The following RANBP2 variants were observed in gnomAD, a reference collection of about 807,000 sequenced individuals.
The protein encoded by RANBP2 is E3 SUMO-protein ligase RanBP2.
RANBP2 carries 57 observed loss-of-function variants against 303.6 expected under a neutral mutation model. The observed-to-expected ratio is 0.19, with a 90% CI of 0.15 to 0.23. The LOEUF is 0.23. Among genes scored for constraint, RANBP2 ranks in the 10% least tolerant of loss-of-function variants. RANBP2 has a pLI of 1.00. For synonymous variants in RANBP2, 1,167 were observed against 1,301.5 expected, an observed-to-expected ratio of 0.90 and a Z score of 2.23; for missense variants, 3,138 against 3,780.8, an observed-to-expected ratio of 0.83 and a Z score of 4.46.
chr2:108,956,932 G>T, the RANBP2 span, among the ~76,000 whole-genome samples: 1 of 152,130 alleles, frequency 6.6e-6, no homozygotes, highest in African/African-American at 2.4e-5. Context: ...GGGATTACAG[G>T]CACCTACCAC....
At chr2:109,074,228 G>A in the RANBP2 span, among the ~76,000 whole-genome samples, 1 of 150,474 alleles carries the variant, frequency 6.6e-6, no homozygotes, top group African/African-American at 2.4e-5. Flanking sequence ...ATTTAGCCAG[G>A]TGTAGTGGCA....
At chr2:109,481,839 C>A in the RANBP2 span, among the ~76,000 whole-genome samples, 2 of 152,122 alleles carry the variant, frequency 1.3e-5, no homozygotes, top group African/African-American at 2.4e-5. Context: ...GGGCAAGGTG[C>A]CTGCCCAGGT....
the RANBP2 span, among the ~76,000 whole-genome samples, chr2:108,913,161 G>T: frequency 6.6e-6 from 1 of 152,076 alleles, no homozygotes; most frequent in Non-Finnish European, 1.5e-5. Context: ...ATGTTAGCCA[G>T]GATGGGCTCG....
chr2:108,919,651 C>T, the RANBP2 span, among the ~76,000 whole-genome samples: 7 of 152,206 alleles, frequency 4.6e-5, no homozygotes. Flanking sequence ...AGCCACTGCG[C>T]CTGGCCCTGA....
the RANBP2 span, among the ~76,000 whole-genome samples, chr2:109,340,592 A>G: frequency 2.6e-5 from 4 of 152,206 alleles, no homozygotes; most frequent in Admixed American, 6.5e-5. Flanking sequence ...TACACTTAGA[A>G]GCATCTGCCT....
At chr2:108,834,727 T>A in the RANBP2 span, among the ~76,000 whole-genome samples, 1 of 152,342 alleles carries the variant, frequency 6.6e-6, no homozygotes, top group East Asian at 1.9e-4. Flanking sequence ...TCTGAAACAA[T>A]TCTGTACCCG....
chr2:108,960,168 T>C, the RANBP2 span, among the ~76,000 whole-genome samples: 4 of 152,166 alleles, frequency 2.6e-5, no homozygotes, highest in Non-Finnish European at 5.9e-5. Flanking sequence ...CCTGGCTCAG[T>C]CTGGCCTGGG....
the RANBP2 span, among the ~76,000 whole-genome samples, chr2:109,487,826 A>G: frequency 3.7e-4 from 56 of 152,320 alleles, no homozygotes; most frequent in African/African-American, 1.3e-3. Context: ...GACTCAGTTC[A>G]TTCAGCAAAC....
At chr2:109,082,327 G>C in the RANBP2 span, among the ~76,000 whole-genome samples, 1 of 151,656 alleles carries the variant, frequency 6.6e-6, no homozygotes, top group Non-Finnish European at 1.5e-5. Context: ...TTGAGACAGA[G>C]TCTCTCTCTG....
At chr2:109,148,694 A>G in the RANBP2 span, among the ~76,000 whole-genome samples, 1 of 152,252 alleles carries the variant, frequency 6.6e-6, no homozygotes, top group African/African-American at 2.4e-5. Flanking sequence ...AAGTGCATTC[A>G]TGGCTGAAGA....
chr2:109,706,354 C>A, the RANBP2 span, among the ~76,000 whole-genome samples: 1 of 152,248 alleles, frequency 6.6e-6, no homozygotes, highest in Non-Finnish European at 1.5e-5. Context: ...AGCCCACTGG[C>A]CCTGCCAGTC....
At chr2:109,186,278 A>T in the RANBP2 span, among the ~76,000 whole-genome samples, 1 of 152,364 alleles carries the variant, frequency 6.6e-6, no homozygotes, top group Middle Eastern at 3.4e-3. Flanking sequence ...AGATGAATTC[A>T]TGTAATCCTG....
the RANBP2 span, among the ~76,000 whole-genome samples, chr2:108,952,306 T>C: frequency 2.0e-5 from 3 of 152,324 alleles, no homozygotes; most frequent in South Asian, 6.2e-4. Context: ...GGGTAGAAGG[T>C]AGTTTGGTGA....
At chr2:109,047,375 C>T in the RANBP2 span, among the ~76,000 whole-genome samples, 1 of 152,216 alleles carries the variant, frequency 6.6e-6, no homozygotes, top group Admixed American at 6.5e-5. Context: ...AAGAAACTAA[C>T]ACATCTTAAA....
chr2:109,657,721 T>G, the RANBP2 span, among the ~76,000 whole-genome samples: 1 of 142,006 alleles, frequency 7.0e-6, no homozygotes, highest in African/African-American at 2.6e-5. Context: ...TGAGTTTTTT[T>G]TTTTTTTTTT....
At position 108,778,772 on chromosome 2, in the gene RANBP2, G is replaced by C. The variant is rs183768270; in HGVS notation, c.8599+1541G>C. On this transcript the variant is annotated intron_variant, in intron 25 of 28. Transcript: ENST00000283195. Reference sequence around the variant, plus strand: ...GACAGGATGTCACTCTGTTGCCCAGGCTGGAGTGCAGTGGCATGAACACAG... The same window carrying C: ...GACAGGATGTCACTCTGTTGCCCAGCCTGGAGTGCAGTGGCATGAACACAG... 5.2e-3 allele frequency among the ~76,000 whole-genome samples: 787 copies of C among 152,292 alleles called. 3 individuals carry two copies. Among genetic ancestry groups the C allele is most frequent in the Non-Finnish European group, 8.2e-3 (558 of 68,016 alleles).
At chr2:109,525,312 G>A in the RANBP2 span, among the ~76,000 whole-genome samples, 1 of 151,966 alleles carries the variant, frequency 6.6e-6, no homozygotes, top group Admixed American at 6.6e-5. Context: ...GTGCCACCAC[G>A]CCCAGCTAAT....
chr2:109,694,473 G>A, the RANBP2 span, among the ~76,000 whole-genome samples: 1 of 148,264 alleles, frequency 6.7e-6, no homozygotes, highest in East Asian at 2.0e-4. Context: ...GCACAATCTC[G>A]GCTCACTGCA....
the RANBP2 span, among the ~76,000 whole-genome samples, chr2:108,995,567 G>GCCACCTCTTCCCAGCCTC: frequency 6.6e-6 from 1 of 152,202 alleles, no homozygotes; most frequent in East Asian, 1.9e-4. Context: ...GCTGCTGCCT[G>GCCACCTCTTCCCAGCCTC]CCACCTCTTC....
Sources: gnomAD v4.1 joint callset for allele counts (sites outside exome capture counted in the v4.1 genomes callset) on GRCh38, gnomAD v4.1.1 for gene constraint, MANE v1.5 for transcripts, NCBI Gene and HGNC (gene_info 2026-07-23, HGNC 2026-07-21) for gene names.